TMEFF1: variants seen among roughly 807,000 people sequenced by gnomAD.
TMEFF1 encodes tomoregulin-1.
In TMEFF1, 20 loss-of-function variants were observed where a neutral mutation model predicts 47.5. The ratio of observed to expected loss-of-function variants is 0.42; its 90% CI spans 0.30 to 0.61. The LOEUF (loss-of-function observed/expected upper bound fraction) is 0.61. Among genes scored for constraint, TMEFF1 ranks in the 20% least tolerant of loss-of-function variants. TMEFF1 has a pLI of 0.19. For missense variants in TMEFF1, 411 were observed against 471.1 expected (o/e 0.87, Z 1.18); for synonymous variants, 162 against 166.3 (o/e 0.97, Z 0.20).
chr9:100,491,782 A>G (rs1179643015), intron 1 of TMEFF1, among the ~76,000 whole-genome samples: 5 of 152,192 alleles, frequency 3.3e-5, no homozygotes, highest in Admixed American at 3.3e-4. Context: ...AGTCACAAAA[A>G]TGATTCATAA....
Position 100,476,992 on chromosome 9 carries a change from G to A in TMEFF1, c.196+3252G>A, listed in dbSNP as rs908557491. ...ATTACAGGCGTGAGCCACCGCGCCC[G>A]GCCTATTTCAGTTTTAAAACTAAAT... On this transcript the variant is annotated intron_variant, in intron 1 of 9. Transcript: ENST00000374879. Among the ~76,000 whole-genome samples, 4 of 152,272 alleles carry A rather than the reference G, an allele frequency of 2.6e-5. No individual in the cohort carries two copies. The East Asian group carries it at 5.8e-4, about 22-fold the overall frequency.
chr9:100,522,666 A>T (rs549491306), intron 5 of TMEFF1, among the ~76,000 whole-genome samples: 102 of 151,628 alleles, frequency 6.7e-4, no homozygotes, highest in African/African-American at 2.4e-3. Context: ...TGAACTCCTG[A>T]TCTCGTGATC....
intron 7 of TMEFF1, among the ~76,000 whole-genome samples, 187 bp from the exon 8 acceptor site, chr9:100,561,210 A>G (rs1464025733): frequency 1.3e-5 from 2 of 152,218 alleles, no homozygotes; most frequent in Non-Finnish European, 2.9e-5. Flanking sequence ...TGCTGTGTTT[A>G]TGGCATAATA....
chr9:100,475,668 TAGAG>T (rs1029938438), intron 1 of TMEFF1, among the ~76,000 whole-genome samples: 3 of 151,486 alleles, frequency 2.0e-5, no homozygotes, highest in African/African-American at 7.3e-5. Context: ...ATAAAAGAAA[TAGAG>T]GGATGGATAC....
At chr9:100,495,995 G>C (rs1189179673) in intron 1 of TMEFF1, among the ~76,000 whole-genome samples, 1 of 152,194 alleles carries the variant, frequency 6.6e-6, no homozygotes, top group Non-Finnish European at 1.5e-5. Flanking sequence ...ATGCTATCCT[G>C]CTAGATACAT....
intron 5 of TMEFF1, among the ~76,000 whole-genome samples, chr9:100,544,810 T>C (rs947329641): frequency 3.9e-5 from 6 of 152,218 alleles, no homozygotes; most frequent in Non-Finnish European, 7.3e-5. Context: ...AGGCATTGGG[T>C]AAGTACAGCC....
At chr9:100,536,445 T>C (rs763319691) in intron 5 of TMEFF1, among the ~76,000 whole-genome samples, 1 of 152,082 alleles carries the variant, frequency 6.6e-6, no homozygotes, top group Non-Finnish European at 1.5e-5. Context: ...CCTTGGAAAA[T>C]TGAGCAGGGA....
chr9:100,538,981 C>T lies in TMEFF1; in HGVS notation c.561-8763C>T, dbSNP rs113231170. Reference sequence around the variant, plus strand: ...GTGCACTGGCTCAATCTCAGCTCATCGCAACCTCCACCTCCCAGGTTTAGG... The same window carrying T: ...GTGCACTGGCTCAATCTCAGCTCATTGCAACCTCCACCTCCCAGGTTTAGG... On this transcript the variant is annotated intron_variant, in intron 5 of 9. Transcript: ENST00000374879. Among the ~76,000 whole-genome samples, 1,205 of 152,094 alleles carry T rather than the reference C, an allele frequency of 7.9e-3. 21 individuals carry two copies. Among genetic ancestry groups the T allele is most frequent in the African/African-American group, 0.027 (1,131 of 41,486 alleles).
intron 5 of TMEFF1, among the ~76,000 whole-genome samples, chr9:100,543,600 G>C (rs753779635): frequency 2.0e-5 from 3 of 151,844 alleles, no homozygotes; most frequent in Non-Finnish European, 4.4e-5. Context: ...GCCTACAGCA[G>C]GGGTGTGTCC....
chr9:100,501,242 T>C (rs964941845), intron 2 of TMEFF1, among the ~76,000 whole-genome samples: 18 of 152,248 alleles, frequency 1.2e-4, no homozygotes, highest in Non-Finnish European at 2.6e-4. Flanking sequence ...GGCCAGTGGA[T>C]ACTCATGTGC....
chr9:100,547,242 C>T (rs1838751721), intron 5 of TMEFF1, among the ~76,000 whole-genome samples: 2 of 152,044 alleles, frequency 1.3e-5, no homozygotes, highest in South Asian at 4.2e-4. Flanking sequence ...TCTCAAACTC[C>T]TGGGCTCAAG....
At chr9:100,571,526 A>T (rs1221365172) in intron 8 of TMEFF1, among the ~76,000 whole-genome samples, 1 of 152,078 alleles carries the variant, frequency 6.6e-6, no homozygotes, top group East Asian at 1.9e-4. Context: ...AATTAGCTTG[A>T]TTTAGCCATT....
chr9:100,483,501 A>AAACT (rs969973411), intron 1 of TMEFF1, among the ~76,000 whole-genome samples: 3 of 3,844 alleles, frequency 7.8e-4, no homozygotes, highest in Non-Finnish European at 6.1e-3. Context: ...ACATCTCAAA[A>AAACT]AACAAACAAA....
At chr9:100,562,345 C>G (rs924154659) in intron 8 of TMEFF1, among the ~76,000 whole-genome samples, 1 of 151,934 alleles carries the variant, frequency 6.6e-6, no homozygotes, top group Non-Finnish European at 1.5e-5. Flanking sequence ...ATCTTTCTTT[C>G]CAAAAAAATA....
chr9:100,488,642 A>G (rs754281212), intron 1 of TMEFF1, among the ~76,000 whole-genome samples: 2 of 152,158 alleles, frequency 1.3e-5, no homozygotes, highest in Admixed American at 1.3e-4. Context: ...AGTGCTTTCC[A>G]TATCTTTAAT....
At chr9:100,532,428 G>T (rs1470371983) in intron 5 of TMEFF1, among the ~76,000 whole-genome samples, 1 of 152,026 alleles carries the variant, frequency 6.6e-6, no homozygotes, top group Non-Finnish European at 1.5e-5. Context: ...GTGGGCAAAG[G>T]ACATGAACAG....
In TMEFF1 at chr9:100,501,171, G is replaced by A. The variant is rs191964031; in HGVS notation, c.306+2297G>A. 9.2e-3 allele frequency among the ~76,000 whole-genome samples: 1,397 copies of A among 152,278 alleles called. 14 individuals carry two copies. Among genetic ancestry groups the A allele is most frequent in the Non-Finnish European group, 0.015 (1,014 of 68,024 alleles). ...GTCATCCTGTGTGGGGAAGACCGGG[G>A]CTGTTCTCCTCTTCAGCTGCTGTGT... is the stretch of plus-strand genomic sequence containing the variant. On this transcript the variant is annotated intron_variant, in intron 2 of 9. Transcript: ENST00000374879.
At chr9:100,511,132 TA>T (rs1292009909) in intron 3 of TMEFF1, among the ~76,000 whole-genome samples, 4 of 152,226 alleles carry the variant, frequency 2.6e-5, no homozygotes, top group Non-Finnish European at 4.4e-5. Context: ...GTTTTTAGTC[TA>T]GTAGACTATG....
intron 1 of TMEFF1, among the ~76,000 whole-genome samples, chr9:100,495,637 C>A (rs1283251259): frequency 1.3e-5 from 2 of 152,166 alleles, no homozygotes; most frequent in East Asian, 3.8e-4. Context: ...TGATGATAAA[C>A]TAATCACATT....
Sources: allele counts gnomAD v4.1 joint callset (sites outside exome capture counted in the v4.1 genomes callset), GRCh38; gene constraint gnomAD v4.1.1; transcripts MANE v1.5; gene names NCBI Gene and HGNC (gene_info 2026-07-23, HGNC 2026-07-21).